UBE2D4: variants seen among roughly 807,000 people sequenced by gnomAD.
UBE2D4 encodes the protein ubiquitin conjugating enzyme E2 D4.
A neutral mutation model predicts 23.0 loss-of-function variants in UBE2D4; 17 were observed. That is an observed-to-expected ratio of 0.74 (90% CI 0.51 to 1.11). The LOEUF (loss-of-function observed/expected upper bound fraction) is 1.11, where lower values mean the gene tolerates loss of function less well. UBE2D4 is among the 50% of genes least tolerant of loss of function. UBE2D4 has a pLI of 0.00. For missense variants in UBE2D4, 139 were observed against 181.8 expected (o/e 0.76, Z 1.35); for synonymous variants, 61 against 69.4 (o/e 0.88, Z 0.60).
intron 2 of UBE2D4, among the ~76,000 whole-genome samples, chr7:43,939,358 C>A: frequency 6.6e-6 from 1 of 152,258 alleles, no homozygotes; most frequent in East Asian, 1.9e-4. Flanking sequence ...ACTGCCTGTT[C>A]CAGGCCTCTG....
Position 43,955,202 on chromosome 7 carries a change from G to A in UBE2D4, c.*2507G>A, listed in dbSNP as rs1373996732. ...TAAGAGCCACTGTGGTACAGTCAAT[G>A]TAACCCACTTGTGCAGAAGCCATGC... is the stretch of plus-strand genomic sequence containing the variant. On this transcript the variant is annotated 3_prime_UTR_variant, in exon 7 of 7. Coordinates refer to ENST00000222402, the MANE Select transcript of UBE2D4 (RefSeq NM_015983.4). The A allele has an allele frequency of 6.6e-6, 1 of 152,140 alleles. No individual in the cohort carries two copies. Among genetic ancestry groups the A allele is most frequent in the Non-Finnish European group, 1.5e-5 (1 of 68,042 alleles). 9.4% of individuals were successfully genotyped at this position (152,140 alleles called of 1,614,324 possible). A position where few individuals can be genotyped will look rare whatever the true frequency, so the allele number is the denominator to read the frequency against.
intron 2 of UBE2D4, chr7:43,942,139 CA>C (rs995237692): frequency 1.3e-5 from 2 of 153,270 alleles, no homozygotes; most frequent in African/African-American, 4.8e-5. Flanking sequence ...CCCATCTCTA[CA>C]AAAATGAAAA....
intron 1 of UBE2D4, among the ~76,000 whole-genome samples, chr7:43,931,693 A>C (rs907963214): frequency 6.7e-6 from 1 of 148,642 alleles, no homozygotes; most frequent in Non-Finnish European, 1.5e-5. Flanking sequence ...GGTGCTCCAC[A>C]CTTTTATTTA....
Position 43,955,935 on chromosome 7 carries a change from C to A in UBE2D4, c.*3240C>A, listed in dbSNP as rs1310511551. 3 of 152,226 alleles carry A rather than the reference C, an allele frequency of 2.0e-5. No homozygotes were observed. Among genetic ancestry groups the A allele is most frequent in the African/African-American group, 7.2e-5 (3 of 41,438 alleles). 9.4% of individuals were successfully genotyped at this position (152,226 alleles called of 1,614,324 possible). A position where few individuals can be genotyped will look rare whatever the true frequency, so the allele number is the denominator to read the frequency against. On this transcript the variant is annotated 3_prime_UTR_variant, in exon 7 of 7. Coordinates refer to ENST00000222402, the MANE Select transcript of UBE2D4 (RefSeq NM_015983.4). The stretch of plus-strand genomic sequence containing the variant: ...CACAAGACAGCAGCCTCATGCCATG[C>A]AGGCAGCAAGCCATCCTGAACAGCG...
At chr7:43,931,813 G>A (rs2095946312) in intron 1 of UBE2D4, among the ~76,000 whole-genome samples, 1 of 151,634 alleles carries the variant, frequency 6.6e-6, no homozygotes, top group Non-Finnish European at 1.5e-5. Flanking sequence ...ATTCTCCTGT[G>A]TCAGCCTCTG....
intron 1 of UBE2D4, among the ~76,000 whole-genome samples, chr7:43,929,658 T>A (rs188435735): frequency 6.6e-6 from 1 of 152,204 alleles, no homozygotes; most frequent in Admixed American, 6.5e-5. Context: ...TTCATGTGTG[T>A]GTGACGCATT....
chr7:43,952,272 T>A (rs1231470019), intron 6 of UBE2D4: 1 of 210,826 alleles, frequency 4.7e-6, no homozygotes, highest in African/African-American at 2.3e-5. Context: ...TGTTCTGGAG[T>A]TTGTGTGCTG....
At chr7:43,948,556 G>GCTGCTGCTGGGCAGTAC in intron 4 of UBE2D4, 76 bp from the exon 5 acceptor site, 1 of 973,240 alleles carries the variant, frequency 1.0e-6, no homozygotes, top group Non-Finnish European at 1.6e-6. Context: ...CCCAGCAGCA[G>GCTGCTGCTGGGCAGTAC]CTGCTTCTGC....
chr7:43,949,904 G>A (rs1322755018), intron 5 of UBE2D4, among the ~76,000 whole-genome samples: 1 of 152,042 alleles, frequency 6.6e-6, no homozygotes, highest in Non-Finnish European at 1.5e-5. Context: ...GCCCAGGGTG[G>A]AGTGCAATGG....
chr7:43,935,272 A>G (rs1445795696), intron 1 of UBE2D4, among the ~76,000 whole-genome samples: 1 of 152,250 alleles, frequency 6.6e-6, no homozygotes, highest in African/African-American at 2.4e-5. Flanking sequence ...AGGCAGAGAC[A>G]GAATAAGAAC....
At chr7:43,945,153 G>A (rs191025387) in intron 4 of UBE2D4, among the ~76,000 whole-genome samples, 118 of 152,030 alleles carry the variant, frequency 7.8e-4, no homozygotes, top group Admixed American at 1.6e-3. Context: ...CCACCACGCC[G>A]GCTAATTTTT....
At position 43,950,662 on chromosome 7, in the gene UBE2D4, T is replaced by C. The variant is rs761946669; in HGVS notation, c.368T>C (p.Ile123Thr). Residue 123 changes from isoleucine to threonine, a missense_variant, in exon 6 of 7, where the codon ATA becomes ACA. Ile to Thr is a moderately conservative substitution (Grantham distance 89). Transcript: ENST00000222402. ...PNPDDPLVPEIAHTYKADREK... is the reference protein window; with the variant it reads ...PNPDDPLVPETAHTYKADREK... ...CCCGATGACCCCCTGGTGCCAGAGA[T>C]AGCACACACCTACAAGGCCGACAGA... 3 of 1,614,090 alleles carry C rather than the reference T, an allele frequency of 1.9e-6. No homozygotes were observed. Among genetic ancestry groups the C allele is most frequent in the Admixed American group, 1.7e-5 (1 of 60,012 alleles).
intron 1 of UBE2D4, 114 bp from the exon 2 acceptor site, chr7:43,938,317 C>T: frequency 1.0e-6 from 1 of 976,154 alleles, no homozygotes. Flanking sequence ...TAACCCCCTC[C>T]TGAGGCCTAG....
At chr7:43,934,844 T>C (rs2095955014) in intron 1 of UBE2D4, among the ~76,000 whole-genome samples, 1 of 152,198 alleles carries the variant, frequency 6.6e-6, no homozygotes, top group Admixed American at 6.5e-5. Flanking sequence ...AAATCACTAA[T>C]ATGTTACAAT....
rs2132810681 is a variant in UBE2D4, at chr7:43,953,539, T to C, written c.*844T>C. The stretch of plus-strand genomic sequence containing the variant: ...AGGGAGAGAGACTCTTAAACGTAAA[T>C]AAAAATGCAATTCACTCACAACTCT... On this transcript the variant is annotated 3_prime_UTR_variant, in exon 7 of 7. Coordinates refer to ENST00000222402, the MANE Select transcript of UBE2D4 (RefSeq NM_015983.4). 1 of 205,990 alleles carries C rather than the reference T, an allele frequency of 4.9e-6. No individual in the cohort carries two copies. Among genetic ancestry groups the C allele is most frequent in the South Asian group, 7.8e-5 (1 of 12,780 alleles). 12.8% of individuals were successfully genotyped at this position (205,990 alleles called of 1,614,324 possible). A position where few individuals can be genotyped will look rare whatever the true frequency, so the allele number is the denominator to read the frequency against.
chr7:43,929,465 A>G (rs908435683), intron 1 of UBE2D4, among the ~76,000 whole-genome samples: 4 of 151,654 alleles, frequency 2.6e-5, no homozygotes, highest in Admixed American at 6.6e-5. Context: ...TAAAAAAAAA[A>G]TTAGCCAAGC....
chr7:43,932,697 G>A (rs6463210), intron 1 of UBE2D4, among the ~76,000 whole-genome samples: 18,971 of 151,852 alleles, frequency 0.12, 1,277 homozygotes, highest in Admixed American at 0.19. Flanking sequence ...GGAGGCTGAG[G>A]CATAAGAATC....
intron 2 of UBE2D4, chr7:43,942,550 A>C: frequency 1.7e-6 from 1 of 582,220 alleles, no homozygotes; most frequent in Non-Finnish European, 3.1e-6. Context: ...CGGAGAGAGA[A>C]GAATAGAAAC....
At chr7:43,938,750 C>T (rs1316595029) in intron 2 of UBE2D4, among the ~76,000 whole-genome samples, 2 of 152,182 alleles carry the variant, frequency 1.3e-5, no homozygotes, top group African/African-American at 2.4e-5. Context: ...GCAGGAGAAT[C>T]GCTTGAACCC....
Sources: allele counts gnomAD v4.1 joint callset (sites outside exome capture counted in the v4.1 genomes callset), GRCh38; gene constraint gnomAD v4.1.1; transcripts MANE v1.5; gene names NCBI Gene and HGNC (gene_info 2026-07-23, HGNC 2026-07-21).